Variants in KHDRBS2 observed in about 807,000 individuals in gnomAD.
KHDRBS2 encodes KH RNA binding domain containing, signal transduction associated 2, also known as KH domain-containing, RNA-binding, signal transduction-associated protein 2.
Under a neutral mutation model 44.3 loss-of-function variants are expected in KHDRBS2, and 26 were observed. That is an observed-to-expected ratio of 0.59 (90% CI 0.43 to 0.81). The LOEUF is 0.81. Among genes scored for constraint, KHDRBS2 ranks in the 40% least tolerant of loss-of-function variants. KHDRBS2 has a pLI of 0.00. For missense variants in KHDRBS2, 476 were observed against 433.1 expected (o/e 1.10, Z -0.88); for synonymous variants, 194 against 151.1 (o/e 1.28, Z -2.08).
chr6:61,621,957 G>A, the KHDRBS2 span, among the ~76,000 whole-genome samples: 6 of 152,208 alleles, frequency 3.9e-5, no homozygotes, highest in South Asian at 6.2e-4. Flanking sequence ...AAGAAGCTTC[G>A]ACCTCAGTTA....
chr6:61,665,249 G>A, the KHDRBS2 span, among the ~76,000 whole-genome samples: 4 of 151,362 alleles, frequency 2.6e-5, no homozygotes, highest in Admixed American at 2.0e-4. Flanking sequence ...TTGGACATAC[G>A]GTTTAGGTAT....
intron 2 of KHDRBS2, among the ~76,000 whole-genome samples, chr6:62,060,613 C>CTT (rs755312294): frequency 7.4e-6 from 1 of 134,476 alleles, no homozygotes; most frequent in Non-Finnish European, 1.6e-5. Flanking sequence ...CTCTCTGTCT[C>CTT]TCTCTCTCTC....
At chr6:62,225,645 C>A (rs1196924612) in intron 1 of KHDRBS2, among the ~76,000 whole-genome samples, 1 of 152,126 alleles carries the variant, frequency 6.6e-6, no homozygotes, top group Non-Finnish European at 1.5e-5. Context: ...AGGTTTTAAG[C>A]CCTGCATGCA....
chr6:61,719,377 A>G (rs1266820586), intron 7 of KHDRBS2, among the ~76,000 whole-genome samples: 2 of 151,960 alleles, frequency 1.3e-5, no homozygotes, highest in African/African-American at 4.8e-5. Context: ...TTTAATTTGG[A>G]CATTGGGAAA....
At chr6:62,010,853 T>G (rs546003150) in intron 3 of KHDRBS2, among the ~76,000 whole-genome samples, 1 of 152,274 alleles carries the variant, frequency 6.6e-6, no homozygotes, top group East Asian at 1.9e-4. Flanking sequence ...CCAAAATGTT[T>G]ACTTTTTAAA....
At chr6:61,864,626 G>A (rs1316786919) in intron 6 of KHDRBS2, among the ~76,000 whole-genome samples, 1 of 152,098 alleles carries the variant, frequency 6.6e-6, no homozygotes, top group South Asian at 2.1e-4. Context: ...TTCCTTGAGA[G>A]GTCTGCTGTT....
chr6:61,716,262 C>T (rs1045929998), intron 7 of KHDRBS2, among the ~76,000 whole-genome samples: 1 of 151,982 alleles, frequency 6.6e-6, no homozygotes, highest in African/African-American at 2.4e-5. Flanking sequence ...GCATCAACTG[C>T]TATATATAAT....
At chr6:61,621,580 T>G in the KHDRBS2 span, among the ~76,000 whole-genome samples, 3 of 152,158 alleles carry the variant, frequency 2.0e-5, no homozygotes, top group Non-Finnish European at 4.4e-5. Context: ...AGGGAAAATC[T>G]GGCCCACTGA....
At chr6:62,015,102 A>T (rs1234826039) in intron 3 of KHDRBS2, among the ~76,000 whole-genome samples, 1 of 152,134 alleles carries the variant, frequency 6.6e-6, no homozygotes, top group Non-Finnish European at 1.5e-5. Flanking sequence ...ACACATTGAA[A>T]AGTAATTGTT....
At chr6:61,957,007 T>C (rs1398641621) in intron 4 of KHDRBS2, among the ~76,000 whole-genome samples, 1 of 152,074 alleles carries the variant, frequency 6.6e-6, no homozygotes, top group Non-Finnish European at 1.5e-5. Flanking sequence ...AGAATATAAA[T>C]TGTGAAGATT....
intron 6 of KHDRBS2, among the ~76,000 whole-genome samples, chr6:61,891,016 A>G (rs1007308454): frequency 1.3e-5 from 2 of 152,208 alleles, no homozygotes; most frequent in Non-Finnish European, 1.5e-5. Flanking sequence ...GCTATAAACT[A>G]TGTTTACTTT....
intron 1 of KHDRBS2, among the ~76,000 whole-genome samples, chr6:62,222,683 G>A (rs1162083032): frequency 6.6e-6 from 1 of 152,106 alleles, no homozygotes; most frequent in Admixed American, 6.5e-5. Context: ...AAGTCAATTG[G>A]CCTTGGGTAA....
intron 7 of KHDRBS2, among the ~76,000 whole-genome samples, chr6:61,717,010 T>C (rs1247837782): frequency 4.6e-5 from 7 of 152,206 alleles, no homozygotes; most frequent in Non-Finnish European, 8.8e-5. Context: ...TTGATCTCAA[T>C]AAAAGATTAA....
chr6:62,068,385 G>C (rs2127341321), intron 2 of KHDRBS2, among the ~76,000 whole-genome samples: 1 of 151,344 alleles, frequency 6.6e-6, no homozygotes, highest in African/African-American at 2.4e-5. Context: ...TGAGATATGA[G>C]TTATTTACAT....
intron 6 of KHDRBS2, among the ~76,000 whole-genome samples, chr6:61,865,850 A>C (rs1797707134): frequency 6.6e-6 from 1 of 152,206 alleles, no homozygotes; most frequent in African/African-American, 2.4e-5. Context: ...GTCTAATCTT[A>C]AAGCTCCAAA....
At chr6:62,043,936 AT>A (rs1481768246) in intron 3 of KHDRBS2, among the ~76,000 whole-genome samples, 7 of 151,870 alleles carry the variant, frequency 4.6e-5, no homozygotes, top group East Asian at 1.9e-4. Context: ...TATTTTCTTA[AT>A]TTTTTTTAAA....
intron 8 of KHDRBS2, among the ~76,000 whole-genome samples, chr6:61,685,844 C>A (rs1252703092): frequency 6.6e-6 from 1 of 151,686 alleles, no homozygotes; most frequent in Non-Finnish European, 1.5e-5. Context: ...AAAGAAAAAT[C>A]TGGATGATTT....
At chr6:61,755,310 A>T (rs1778324699) in intron 6 of KHDRBS2, among the ~76,000 whole-genome samples, 1 of 152,156 alleles carries the variant, frequency 6.6e-6, no homozygotes, top group Admixed American at 6.6e-5. Context: ...AAGTTCTTAA[A>T]GTTCTTCAAG....
intron 7 of KHDRBS2, among the ~76,000 whole-genome samples, chr6:61,728,022 C>A (rs11961885): frequency 6.6e-6 from 1 of 151,966 alleles, no homozygotes; most frequent in East Asian, 1.9e-4. Flanking sequence ...TGGAATCAAC[C>A]TAAACCATGT....
Sources: allele counts gnomAD v4.1 joint callset (sites outside exome capture counted in the v4.1 genomes callset), GRCh38; gene constraint gnomAD v4.1.1; transcripts MANE v1.5; gene names NCBI Gene and HGNC (gene_info 2026-07-23, HGNC 2026-07-21).